The following INSL6 variants were observed in gnomAD, a reference collection of about 807,000 sequenced individuals.
The protein encoded by INSL6 is insulin-like peptide INSL6.
INSL6 carries 16 observed loss-of-function variants against 9.4 expected under a neutral mutation model. The ratio of observed to expected loss-of-function variants is 1.70; its 90% CI spans 1.15 to 2.59. The LOEUF (loss-of-function observed/expected upper bound fraction) is 2.59, where lower values mean the gene tolerates loss of function less well. Ranked by LOEUF, INSL6 falls within the 30% of genes most tolerant of loss-of-function variation. INSL6 has a pLI of 0.00. For missense variants in INSL6, 391 were observed against 257.3 expected (o/e 1.52, Z -3.56); for synonymous variants, 154 against 96.9 (o/e 1.59, Z -3.46).
At chr9:5,101,667 C>T in the INSL6 span, among the ~76,000 whole-genome samples, 7 of 152,284 alleles carry the variant, frequency 4.6e-5, no homozygotes, top group South Asian at 2.1e-4. Context: ...CTGTCTGGGA[C>T]GAAGCTTCCA....
At chr9:5,068,943 T>C in the INSL6 span, 1 of 775,776 alleles carries the variant, frequency 1.3e-6, no homozygotes, top group Non-Finnish European at 2.0e-6. Context: ...CTTGTTCTTG[T>C]GATATCATTT....
At chr9:5,037,354 TG>T in the INSL6 span, among the ~76,000 whole-genome samples, 1 of 152,212 alleles carries the variant, frequency 6.6e-6, no homozygotes, top group African/African-American at 2.4e-5. Context: ...ATCCCATTAC[TG>T]GGTATATACC....
chr9:5,135,738 T>G (rs200754059), intron 2 of INSL6, among the ~76,000 whole-genome samples: 6 of 151,334 alleles, frequency 4.0e-5, no homozygotes, highest in African/African-American at 1.2e-4. Context: ...CAAACAAATT[T>G]AAAAGCTAGC....
the INSL6 span, among the ~76,000 whole-genome samples, chr9:4,992,627 G>T: frequency 6.6e-6 from 1 of 152,098 alleles, no homozygotes; most frequent in Non-Finnish European, 1.5e-5. Context: ...TCAGAGTCCA[G>T]TATCTCATCA....
intron 2 of INSL6, among the ~76,000 whole-genome samples, chr9:5,136,302 G>A (rs972383450): frequency 1.3e-5 from 2 of 152,070 alleles, no homozygotes; most frequent in Admixed American, 1.3e-4. Context: ...CCAAAACCTG[G>A]CAGAGACACA....
intron 2 of INSL6, among the ~76,000 whole-genome samples, chr9:5,147,691 A>C (rs1824628361): frequency 6.6e-6 from 1 of 152,200 alleles, no homozygotes; most frequent in South Asian, 2.1e-4. Context: ...AGGAATGCTG[A>C]TGAGTTGTAA....
At chr9:5,143,652 G>C (rs886092261) in intron 2 of INSL6, among the ~76,000 whole-genome samples, 1 of 144,414 alleles carries the variant, frequency 6.9e-6, no homozygotes, top group African/African-American at 2.6e-5. Context: ...CTGGATCCTG[G>C]ATTTGTTAAT....
At chr9:5,088,590 C>T in the INSL6 span, among the ~76,000 whole-genome samples, 2 of 152,218 alleles carry the variant, frequency 1.3e-5, no homozygotes, top group South Asian at 4.1e-4. Flanking sequence ...TTTCTTACTT[C>T]TTAATTTGCT....
intron 1 of INSL6, among the ~76,000 whole-genome samples, chr9:5,165,773 C>T (rs1586871864): frequency 6.6e-6 from 1 of 152,150 alleles, no homozygotes; most frequent in East Asian, 1.9e-4. Context: ...ATACTGGAAA[C>T]CAAAATAACT....
chr9:5,064,135 G>A, the INSL6 span, among the ~76,000 whole-genome samples: 1 of 152,102 alleles, frequency 6.6e-6, no homozygotes, highest in Non-Finnish European at 1.5e-5. Context: ...CAGCCTGGGC[G>A]ACAGAGCAAG....
the INSL6 span, chr9:5,073,681 C>A: frequency 1.4e-6 from 2 of 1,425,726 alleles, no homozygotes; most frequent in Non-Finnish European, 1.9e-6. Context: ...ATTCTTTGTA[C>A]TTTTTTTTTT....
At chr9:5,158,109 T>C (rs986978038) in intron 2 of INSL6, among the ~76,000 whole-genome samples, 6 of 152,002 alleles carry the variant, frequency 3.9e-5, no homozygotes, top group African/African-American at 7.2e-5. Flanking sequence ...AAGAAACAAT[T>C]AGTGAAACTG....
At chr9:5,129,738 T>A (rs1824221145) in intron 3 of INSL6, among the ~76,000 whole-genome samples, 1 of 152,164 alleles carries the variant, frequency 6.6e-6, no homozygotes. Context: ...GTTTCATAAT[T>A]CTCACAGTGA....
the INSL6 span, among the ~76,000 whole-genome samples, chr9:5,005,527 T>C: frequency 6.6e-6 from 1 of 152,194 alleles, no homozygotes; most frequent in Non-Finnish European, 1.5e-5. Flanking sequence ...TTGGTCAAGA[T>C]GTATTCTTTT....
the INSL6 span, among the ~76,000 whole-genome samples, chr9:5,014,758 A>G: frequency 6.6e-6 from 1 of 152,196 alleles, no homozygotes; most frequent in Non-Finnish European, 1.5e-5. Context: ...AGAGTTATAA[A>G]TGACAATATG....
intron 2 of INSL6, among the ~76,000 whole-genome samples, chr9:5,155,996 C>G (rs1324594746): frequency 2.0e-5 from 3 of 151,916 alleles, no homozygotes; most frequent in Non-Finnish European, 4.4e-5. Flanking sequence ...AAAAACCACA[C>G]ATTATCAAAA....
the INSL6 span, among the ~76,000 whole-genome samples, chr9:5,063,573 A>G: frequency 2.1e-4 from 32 of 152,224 alleles, no homozygotes; most frequent in Non-Finnish European, 3.7e-4. Flanking sequence ...ATTTGTTGGT[A>G]TCTTTAATGT....
the INSL6 span, among the ~76,000 whole-genome samples, chr9:5,016,062 A>G: frequency 6.6e-6 from 1 of 152,172 alleles, no homozygotes; most frequent in African/African-American, 2.4e-5. Flanking sequence ...ATGGATGACT[A>G]GAGGCAGGTC....
the INSL6 span, chr9:5,041,481 T>A: frequency 1.7e-6 from 1 of 597,588 alleles, no homozygotes; most frequent in African/African-American, 1.8e-5. Context: ...GACACGATCA[T>A]GAGCGGTACA....
Sources: gnomAD v4.1 joint callset for allele counts (sites outside exome capture counted in the v4.1 genomes callset) on GRCh38, gnomAD v4.1.1 for gene constraint, MANE v1.5 for transcripts, NCBI Gene and HGNC (gene_info 2026-07-23, HGNC 2026-07-21) for gene names.